Variants in ZNF556 observed in about 807,000 individuals in gnomAD.
The protein encoded by ZNF556 is zinc finger protein 556.
In ZNF556, 11 loss-of-function variants were observed where a neutral mutation model predicts 13.6. The observed-to-expected ratio is 0.81, with a 90% confidence interval of 0.51 to 1.33. ZNF556 has a LOEUF of 1.33. Ranked by LOEUF, ZNF556 falls within the 40% of genes most tolerant of loss-of-function variation. The pLI is 0.00. For missense variants in ZNF556, 633 were observed against 566.2 expected, an observed-to-expected ratio of 1.12 and a Z score of -1.20; for synonymous variants, 229 against 207.8, an observed-to-expected ratio of 1.10 and a Z score of -0.88.
In ZNF556 at chr19:2,876,201, G is replaced by C; in HGVS notation, c.239G>C (p.Trp80Ser). The change falls in exon 3 of 4, where the codon TGG (tryptophan) becomes TCG (serine). Residue 80 changes from tryptophan (W) to serine (S), a missense_variant. Trp to Ser is a radical substitution (Grantham distance 177, BLOSUM62 -3). Coordinates refer to ENST00000307635, the MANE Select transcript of ZNF556 (RefSeq NM_024967.3). ...GAAAAGTTCACAAGAAAGAATATAT[G>C]GGCCTCCCTTTTAGGAAAAAATTGG... The part of the protein sequence containing the change: ...KIEKFTRKNI[W>S]ASLLGKNWEE... The C allele has an allele frequency of 6.2e-7, 1 of 1,610,716 alleles. No individual in the cohort carries two copies. The highest frequency in any genetic ancestry group is 8.5e-7 in the Non-Finnish European group (1 of 1,179,106).
chr19:2,874,619 C>T (rs1464705261), intron 2 of ZNF556, among the ~76,000 whole-genome samples: 1 of 151,402 alleles, frequency 6.6e-6, no homozygotes. Context: ...CGGAGGGCAC[C>T]TTTAGTCCCA....
intron 2 of ZNF556, 34 bp from the exon 3 acceptor site, chr19:2,876,058 CT>C: frequency 6.4e-7 from 1 of 1,566,600 alleles, no homozygotes; most frequent in Non-Finnish European, 8.6e-7. Flanking sequence ...TTGCAGATGC[CT>C]TCCTCATCAT....
chr19:2,877,073 C>T (rs910337128), intron 3 of ZNF556, among the ~76,000 whole-genome samples, 200 bp from the exon 4 acceptor site: 6 of 151,826 alleles, frequency 4.0e-5, no homozygotes, highest in Admixed American at 1.3e-4. Flanking sequence ...ATTAGCTGGG[C>T]GTGGTGCCAT....
intron 2 of ZNF556, among the ~76,000 whole-genome samples, chr19:2,874,685 A>G (rs1255895933): frequency 6.8e-6 from 1 of 147,904 alleles, no homozygotes; most frequent in East Asian, 2.0e-4. Context: ...CAGTGGCTGC[A>G]GTGAGTCGAG....
In ZNF556 at chr19:2,873,530, T is replaced by C; in HGVS notation, c.38T>C (p.Phe13Ser). ...GTCTTTGAAGACGTGGTTGTGGATT[T>C]CACGCTGGAGGAGTGGGCCTTGCTG... is the stretch of plus-strand genomic sequence containing the variant. The part of the protein sequence containing the change: ...TVVFEDVVVD[F>S]TLEEWALLNP... The change falls in exon 2 of 4, where the codon TTC (phenylalanine) becomes TCC (serine). Residue 13 changes from phenylalanine (F) to serine (S), a missense_variant. By Grantham distance (155) the Phe-to-Ser change is radical. Transcript: ENST00000307635. 2 of 1,614,216 alleles carry C rather than the reference T, an allele frequency of 1.2e-6. No homozygotes were observed. Among genetic ancestry groups the C allele is most frequent in the Non-Finnish European group, 1.7e-6 (2 of 1,180,024 alleles).
At chr19:2,868,349 A>T (rs1352609854) in intron 1 of ZNF556, among the ~76,000 whole-genome samples, 1 of 152,214 alleles carries the variant, frequency 6.6e-6, no homozygotes, top group African/African-American at 2.4e-5. Context: ...ACTCGCTAAA[A>T]TATCAGTTAT....
Position 2,877,876 on chromosome 19 carries a change from G to A in ZNF556, c.918G>A (p.Val306=), listed in dbSNP as rs774014479. 6.8e-6 allele frequency: 11 copies of A among 1,614,202 alleles called. No individual in the cohort carries two copies. The highest frequency in any genetic ancestry group is 9.3e-6 in the Non-Finnish European group (11 of 1,180,040). ...GGGCAACATCCTTTCAACGACACGTGAGAATTCACAACGGGGAGAAACCCT... is the reference window on the plus strand; with the variant it reads ...GGGCAACATCCTTTCAACGACACGTAAGAATTCACAACGGGGAGAAACCCT... ...YCWATSFQRH[V]RIHNGEKPYK... The change falls in exon 4 of 4, where the codon GTG becomes GTA. Residue 306 remains valine (V), a synonymous_variant. Coordinates refer to ENST00000307635, the MANE Select transcript of ZNF556 (RefSeq NM_024967.3).
rs777384053 is a variant in ZNF556, at chr19:2,881,364, C to T, written c.*3035C>T. The T allele has an allele frequency of 2.4e-4, 36 of 151,946 alleles. No homozygotes were observed. The highest frequency in any genetic ancestry group is 8.5e-4 in the African/African-American group (35 of 41,370). The allele number at this position is 151,946 out of a possible 1,614,324, so 9.4% of individuals were successfully genotyped here. ...GGTGGATCACCTGATGTGAGGAGTT[C>T]GAGACCACGCTGGCCAACATGGTGA... On this transcript the variant is annotated 3_prime_UTR_variant, in exon 4 of 4. Transcript: ENST00000307635.
rs1299203876 is a variant in ZNF556, at chr19:2,881,316, T to G, written c.*2987T>G. ...GCCCAGTAGCAATGGCTCACGCCTG[T>G]AATCCCAGGACCCACCGAGGCGGGT... On this transcript the variant is annotated 3_prime_UTR_variant, in exon 4 of 4. Transcript: ENST00000307635. The G allele has an allele frequency of 6.6e-6, 1 of 152,196 alleles. No individual in the cohort carries two copies. Among genetic ancestry groups the G allele is most frequent in the African/African-American group, 2.4e-5 (1 of 41,454 alleles). 9.4% of individuals were successfully genotyped at this position (152,196 alleles called of 1,614,324 possible). A position where few individuals can be genotyped will look rare whatever the true frequency, so the allele number is the denominator to read the frequency against.
Position 2,867,444 on chromosome 19 carries a change from C to T in ZNF556, c.3+20C>T, listed in dbSNP as rs1365443375. 6 of 1,582,036 alleles carry T rather than the reference C, an allele frequency of 3.8e-6. No individual in the cohort carries two copies. Among genetic ancestry groups the T allele is most frequent in the African/African-American group, 2.7e-5 (2 of 74,710 alleles). ...GACATGGTGAGTGCAGGGCAGGAGC[C>T]GAGCCGGAGCCGGAGCCCTGGGAGG... On this transcript the variant is annotated intron_variant, in intron 1 of 3. Coordinates refer to ENST00000307635, the MANE Select transcript of ZNF556 (RefSeq NM_024967.3).
Position 2,877,279 on chromosome 19 carries a change from T to C in ZNF556, c.321T>C (p.Asn107=). The C allele has an allele frequency of 6.2e-7, 1 of 1,600,450 alleles. No individual in the cohort carries two copies. Among genetic ancestry groups the C allele is most frequent in the South Asian group, 1.1e-5 (1 of 89,248 alleles). ...ATGTGCTACCCATTTTTAGCAGAAATCCAAGGGTGGAGAGACCATGTAAAA... is the reference window on the plus strand; with the variant it reads ...ATGTGCTACCCATTTTTAGCAGAAACCCAAGGGTGGAGAGACCATGTAAAA... ...HNTKERHLSR[N]PRVERPCKSS... The change falls in exon 4 of 4, where the codon AAT becomes AAC. Residue 107 remains asparagine, a synonymous_variant. Transcript: ENST00000307635.
chr19:2,882,990 T>C lies in ZNF556; in HGVS notation c.*4661T>C, dbSNP rs1270673603. 1 of 152,252 alleles carries C rather than the reference T, an allele frequency of 6.6e-6. No homozygotes were observed. The highest frequency in any genetic ancestry group is 1.9e-4 in the East Asian group (1 of 5,204). 9.4% of individuals were successfully genotyped at this position (152,252 alleles called of 1,614,324 possible). Reference sequence around the variant, plus strand: ...AAATTGCCTTATATATTTGGCATTGTCACTTTGCTGCCCCTACACACTGAT... The same window carrying C: ...AAATTGCCTTATATATTTGGCATTGCCACTTTGCTGCCCCTACACACTGAT... On this transcript the variant is annotated 3_prime_UTR_variant, in exon 4 of 4. Coordinates refer to ENST00000307635, the MANE Select transcript of ZNF556 (RefSeq NM_024967.3).
intron 1 of ZNF556, 114 bp downstream of exon 1, chr19:2,867,538 C>G: frequency 1.4e-6 from 2 of 1,470,670 alleles, no homozygotes; most frequent in South Asian, 1.2e-5. Context: ...CATGCAGCCT[C>G]TGTCCCTGTG....
intron 2 of ZNF556, 103 bp downstream of exon 2, chr19:2,873,725 A>T (rs1290772009): frequency 7.2e-7 from 1 of 1,385,578 alleles, no homozygotes; most frequent in East Asian, 2.3e-5. Flanking sequence ...AGGCTAAGGC[A>T]GGAGGATCAC....
rs377752421 is a variant in ZNF556, at chr19:2,867,712, C to CAAAAAAA, written c.3+294_3+295insAAAAAAA. On this transcript the variant is annotated intron_variant, in intron 1 of 3. Coordinates refer to ENST00000307635, the MANE Select transcript of ZNF556 (RefSeq NM_024967.3). ...TTGGAAGAAAAACTAACCCAAAGTA[C>CAAAAAAA]AAAAAACAAAACAAAAAAAAAAAAA... Among the ~76,000 whole-genome samples, 22 of 85,404 alleles carry CAAAAAAA rather than the reference C, an allele frequency of 2.6e-4. 1 individual carries two copies. Among genetic ancestry groups the CAAAAAAA allele is most frequent in the African/African-American group, 3.8e-4 (9 of 23,434 alleles). The allele number at this position is 85,404 out of a possible 152,430, so 56.0% of individuals were successfully genotyped here.
In ZNF556 at chr19:2,867,357, C is replaced by G; in HGVS notation, c.-65C>G. The G allele has an allele frequency of 1.3e-6, 2 of 1,559,268 alleles. No individual in the cohort carries two copies. The highest frequency in any genetic ancestry group is 2.4e-5 in the South Asian group (2 of 84,630). ...CCTGAGTGACCACAGGTGTCCCCGT[C>G]GTGCTCACCTGCACCGGCTGCGAGG... On this transcript the variant is annotated 5_prime_UTR_variant, in exon 1 of 4. Coordinates refer to ENST00000307635, the MANE Select transcript of ZNF556 (RefSeq NM_024967.3).
rs745671232 is a variant in ZNF556, at chr19:2,881,745, C to A, written c.*3416C>A. 4.6e-5 allele frequency: 7 copies of A among 151,646 alleles called. No homozygotes were observed. Among genetic ancestry groups the A allele is most frequent in the Admixed American group, 1.3e-4 (2 of 15,194 alleles). The allele number at this position is 151,646 out of a possible 1,614,324, so 9.4% of individuals were successfully genotyped here. On this transcript the variant is annotated 3_prime_UTR_variant, in exon 4 of 4. Transcript: ENST00000307635. ...TCCACCATGTAATATGTCTTAAATA[C>A]TATTTCTTTTTTTTTAATACTATTT...
chr19:2,873,539 A>AG lies in ZNF556; in HGVS notation c.49dup (p.Glu17GlyfsTer29). The AG allele has an allele frequency of 6.2e-7, 1 of 1,614,186 alleles. No individual in the cohort carries two copies. The highest frequency in any genetic ancestry group is 8.5e-7 in the Non-Finnish European group (1 of 1,180,028). Reference sequence around the variant, plus strand: ...GACGTGGTTGTGGATTTCACGCTGGAGGAGTGGGCCTTGCTGAATCCTGCT... The same window carrying AG: ...GACGTGGTTGTGGATTTCACGCTGGAGGGAGTGGGCCTTGCTGAATCCTGCT... On this transcript the variant is annotated frameshift_variant, in exon 2 of 4. Coordinates refer to ENST00000307635, the MANE Select transcript of ZNF556 (RefSeq NM_024967.3). LOFTEE classifies it high-confidence loss of function.
rs200506159 is a variant in ZNF556, at chr19:2,877,966, G to A, written c.1008G>A (p.Thr336=). Residue 336 remains threonine, a synonymous_variant, in exon 4 of 4, where the codon ACG becomes ACA. Transcript: ENST00000307635. ...CATCCTTACACAAACACGCGAGAAC[G>A]CATGCTAAAAAGAAACCTGTGAGTG... ...WPSSLHKHAR[T]HAKKKPVSGG... is the part of the protein sequence containing the mutation. The A allele has an allele frequency of 3.5e-5, 57 of 1,614,132 alleles. 1 individual carries two copies. The South Asian group carries it at 3.8e-4, about 11-fold the overall frequency.
Sources: allele counts gnomAD v4.1 joint callset (sites outside exome capture counted in the v4.1 genomes callset), GRCh38; gene constraint gnomAD v4.1.1; transcripts MANE v1.5; gene names NCBI Gene and HGNC (gene_info 2026-07-23, HGNC 2026-07-21).